CDH12: variants seen among roughly 807,000 people sequenced by gnomAD.
CDH12 encodes the protein cadherin-12.
Under a neutral mutation model 74.1 loss-of-function variants are expected in CDH12, and 41 were observed. That is an observed-to-expected ratio of 0.55 (90% CI 0.43 to 0.72). The LOEUF (loss-of-function observed/expected upper bound fraction) is 0.72. CDH12 is among the 30% of genes least tolerant of loss of function. CDH12 has a pLI of 0.00. For synonymous variants in CDH12, 399 were observed against 355.0 expected, an observed-to-expected ratio of 1.12 and a Z score of -1.39; for missense variants, 945 against 977.2, an observed-to-expected ratio of 0.97 and a Z score of 0.44.
chr5:22,140,297 C>T (rs1934280981), intron 4 of CDH12, among the ~76,000 whole-genome samples: 1 of 152,020 alleles, frequency 6.6e-6, no homozygotes, highest in Admixed American at 6.6e-5. Context: ...ACATACTAGA[C>T]AAGCTATTGG....
At chr5:21,846,526 T>C (rs1398231071) in intron 7 of CDH12, among the ~76,000 whole-genome samples, 1 of 152,160 alleles carries the variant, frequency 6.6e-6, no homozygotes, top group Admixed American at 6.6e-5. Context: ...ATATGTACCA[T>C]AATTTTTTAG....
intron 3 of CDH12, among the ~76,000 whole-genome samples, chr5:22,381,710 A>G (rs1741765968): frequency 6.6e-6 from 1 of 151,972 alleles, no homozygotes; most frequent in African/African-American, 2.4e-5. Flanking sequence ...TAATGAATTT[A>G]GGGAACTCAA....
At chr5:22,845,842 C>T (rs994776111) in intron 1 of CDH12, among the ~76,000 whole-genome samples, 1 of 152,092 alleles carries the variant, frequency 6.6e-6, no homozygotes, top group Admixed American at 6.6e-5. Context: ...GAGTGTACAT[C>T]TGCTACTGTG....
chr5:21,800,057 C>A (rs749615528), intron 10 of CDH12, among the ~76,000 whole-genome samples: 19 of 152,112 alleles, frequency 1.2e-4, no homozygotes, highest in Admixed American at 2.6e-4. Context: ...TACATTGGAC[C>A]TCTCACCCCT....
At chr5:22,415,874 C>T (rs1258636069) in intron 2 of CDH12, among the ~76,000 whole-genome samples, 3 of 151,592 alleles carry the variant, frequency 2.0e-5, no homozygotes, top group Non-Finnish European at 2.9e-5. Context: ...AGGAAATTGT[C>T]AGCAAAGACT....
chr5:22,847,226 A>G lies in CDH12; in HGVS notation c.-523+5832T>C, dbSNP rs1404234278. 2.6e-5 allele frequency among the ~76,000 whole-genome samples: 4 copies of G among 152,314 alleles called. No homozygotes were observed. The East Asian group carries it at 5.8e-4, about 22-fold the overall frequency. On this transcript the variant is annotated intron_variant, in intron 1 of 14. Transcript: ENST00000382254. Reference sequence around the variant, plus strand: ...GTTTTCTATTCTTACCTAAGTAAACATATAACTTAAAGCCTTGCCAAGAGC... The same window carrying G: ...GTTTTCTATTCTTACCTAAGTAAACGTATAACTTAAAGCCTTGCCAAGAGC...
chr5:22,470,085 G>GT (rs1745895614), intron 2 of CDH12, among the ~76,000 whole-genome samples: 1 of 152,212 alleles, frequency 6.6e-6, no homozygotes, highest in South Asian at 2.1e-4. Flanking sequence ...GCCTTCTGGT[G>GT]TAGAAACTTT....
At chr5:22,371,016 G>T (rs1424815503) in intron 3 of CDH12, among the ~76,000 whole-genome samples, 1 of 152,064 alleles carries the variant, frequency 6.6e-6, no homozygotes, top group African/African-American at 2.4e-5. Flanking sequence ...GAGAAGAGAG[G>T]TATAAAAAGA....
intron 1 of CDH12, among the ~76,000 whole-genome samples, chr5:22,691,308 T>G (rs1245640008): frequency 1.3e-5 from 2 of 152,154 alleles, no homozygotes; most frequent in Non-Finnish European, 2.9e-5. Flanking sequence ...ATGATATTAC[T>G]ATTAGTTAAC....
At chr5:22,793,229 T>C (rs998211446) in intron 1 of CDH12, among the ~76,000 whole-genome samples, 2 of 152,224 alleles carry the variant, frequency 1.3e-5, no homozygotes, top group African/African-American at 2.4e-5. Context: ...GAGTTGTCTT[T>C]TTAGATTTGG....
At chr5:21,878,021 T>C (rs913462256) in intron 6 of CDH12, among the ~76,000 whole-genome samples, 1 of 152,244 alleles carries the variant, frequency 6.6e-6, no homozygotes. Flanking sequence ...CACATGACTT[T>C]GCAATACTTG....
At chr5:22,694,235 A>G (rs1742234447) in intron 1 of CDH12, among the ~76,000 whole-genome samples, 1 of 152,212 alleles carries the variant, frequency 6.6e-6, no homozygotes, top group Admixed American at 6.5e-5. Flanking sequence ...TTACTGGATA[A>G]GAGAGAAGAA....
chr5:22,396,535 G>A (rs1262968227), intron 3 of CDH12, among the ~76,000 whole-genome samples: 2 of 152,130 alleles, frequency 1.3e-5, no homozygotes, highest in East Asian at 3.8e-4. Flanking sequence ...GTGACTGATA[G>A]AAGGGAAGGG....
chr5:22,342,018 C>G (rs1049164072), intron 3 of CDH12, among the ~76,000 whole-genome samples: 8 of 152,106 alleles, frequency 5.3e-5, no homozygotes, highest in Non-Finnish European at 1.2e-4. Context: ...AGGGTGTCAG[C>G]AAGTTTCAGA....
intron 4 of CDH12, among the ~76,000 whole-genome samples, chr5:22,137,104 A>G (rs1746509598): frequency 6.6e-6 from 1 of 151,810 alleles, no homozygotes; most frequent in Non-Finnish European, 1.5e-5. Flanking sequence ...TATGATTTAC[A>G]AAGCACAGTT....
rs1466020338 is a variant in CDH12, at chr5:21,880,571, CT to C, written c.527-25782del. On this transcript the variant is annotated intron_variant, in intron 6 of 14. Transcript: ENST00000382254. ...CCTTCCTTCCTTCCTTCCCTTCTTT[CT>C]TTCCTTCCTTCCTTCCTTCCTTCCT... is the stretch of plus-strand genomic sequence containing the variant. Among the ~76,000 whole-genome samples the C allele has an allele frequency of 1.6e-3, 17 of 10,658 alleles. 1 individual carries two copies. The highest frequency in any genetic ancestry group is 2.4e-3 in the African/African-American group (17 of 7,042). 7.0% of individuals were successfully genotyped at this position (10,658 alleles called of 152,430 possible).
chr5:22,309,957 AAAC>A (rs1020189076), intron 3 of CDH12, among the ~76,000 whole-genome samples: 5 of 137,130 alleles, frequency 3.6e-5, no homozygotes, highest in African/African-American at 1.3e-4. Flanking sequence ...TTAAAAAAAA[AAAC>A]ATGGACACGG....
chr5:21,918,695 T>G (rs1416629633), intron 6 of CDH12, among the ~76,000 whole-genome samples: 1 of 152,114 alleles, frequency 6.6e-6, no homozygotes, highest in Non-Finnish European at 1.5e-5. Context: ...TTACCTCCAC[T>G]TGGTCCCACT....
chr5:22,372,197 C>T (rs183883552), intron 3 of CDH12, among the ~76,000 whole-genome samples: 11 of 152,190 alleles, frequency 7.2e-5, no homozygotes, highest in Admixed American at 6.5e-4. Flanking sequence ...CCAGTGTATG[C>T]CTCTTGCTTG....
Sources: gnomAD v4.1 joint callset for allele counts (sites outside exome capture counted in the v4.1 genomes callset) on GRCh38, gnomAD v4.1.1 for gene constraint, MANE v1.5 for transcripts, NCBI Gene and HGNC (gene_info 2026-07-23, HGNC 2026-07-21) for gene names.